ATAD2: variants seen among roughly 807,000 people sequenced by gnomAD.
ATAD2 encodes ATPase family AAA domain-containing protein 2.
Under a neutral mutation model 168.9 loss-of-function variants are expected in ATAD2, and 62 were observed. The observed-to-expected ratio is 0.37, with a 90% CI of 0.30 to 0.45. The LOEUF is 0.45. Among genes scored for constraint, ATAD2 ranks in the 20% least tolerant of loss-of-function variants. The probability of loss-of-function intolerance (pLI) is 1.00; values close to 1 mark genes in which losing one functional copy is unlikely to be tolerated. For missense variants in ATAD2, 1,419 were observed against 1,667.8 expected (o/e 0.85, Z 2.60); for synonymous variants, 613 against 571.6 (o/e 1.07, Z -1.03).
chr8:123,413,235 C>CAA (rs1813188701), intron 1 of ATAD2, among the ~76,000 whole-genome samples: 1 of 135,590 alleles, frequency 7.4e-6, no homozygotes, highest in Non-Finnish European at 1.6e-5. Context: ...CCCCCCCCCC[C>CAA]CCAACTCCTC....
chr8:123,390,268 C>A (rs1265809656), intron 1 of ATAD2, among the ~76,000 whole-genome samples: 2 of 152,060 alleles, frequency 1.3e-5, no homozygotes, highest in African/African-American at 4.8e-5. Flanking sequence ...CAGGCATGAG[C>A]CACTGCACCC....
intron 1 of ATAD2, among the ~76,000 whole-genome samples, chr8:123,412,505 TCAC>T (rs1813174141): frequency 2.0e-5 from 3 of 152,144 alleles, no homozygotes; most frequent in Admixed American, 2.0e-4. Context: ...TAATCACAGT[TCAC>T]TGCAGCCTCA....
At chr8:123,368,794 A>G (rs950001071) in intron 8 of ATAD2, among the ~76,000 whole-genome samples, 1 of 152,174 alleles carries the variant, frequency 6.6e-6, no homozygotes, top group Admixed American at 6.5e-5. Context: ...CCTGAGTCTA[A>G]GGTTGCTCTA....
intron 8 of ATAD2, among the ~76,000 whole-genome samples, chr8:123,367,005 T>TA (rs1208086593): frequency 2.6e-5 from 4 of 151,892 alleles, no homozygotes; most frequent in Non-Finnish European, 5.9e-5. Flanking sequence ...ATAAAATAAA[T>TA]AAAAAACATT....
chr8:123,332,287 C>T (rs1427260637), intron 24 of ATAD2, among the ~76,000 whole-genome samples: 1 of 152,048 alleles, frequency 6.6e-6, no homozygotes, highest in Non-Finnish European at 1.5e-5. Context: ...TCGTATTATT[C>T]AAGGGTCAAT....
chr8:123,369,875 G>A lies in ATAD2; in HGVS notation c.877C>T (p.Arg293Ter), dbSNP rs1429466956. 6.2e-7 allele frequency: 1 copy of A among 1,611,186 alleles called. No homozygotes were observed. The highest frequency in any genetic ancestry group is 2.2e-5 in the East Asian group (1 of 44,786). The change falls in exon 7 of 28, where the codon CGA (arginine) becomes TGA (stop). Residue 293 changes from arginine (R) to a stop codon, truncating the protein, a stop_gained. Transcript: ENST00000287394. LOFTEE classifies it high-confidence loss of function. Reference protein sequence around the residue: ...EEDGEEENQKRYYLRQRKATV... With the variant: ...EEDGEEENQK ...GCTTTTCTCTGTCTAAGATAATATC[G>A]CTTCTGATTCTCTTCTTCTCCATCT...
At chr8:123,340,082 G>A (rs1280396332) in intron 19 of ATAD2, among the ~76,000 whole-genome samples, 2 of 151,898 alleles carry the variant, frequency 1.3e-5, no homozygotes, top group Non-Finnish European at 2.9e-5. Flanking sequence ...TAGAGATAGG[G>A]TCTCCTTGTG....
At position 123,328,798 on chromosome 8, in the gene ATAD2, A is replaced by T. The variant is rs1000428110; in HGVS notation, c.3479-219T>A. 2.0e-4 allele frequency among the ~76,000 whole-genome samples: 25 copies of T among 126,910 alleles called. No individual in the cohort carries two copies. In the South Asian group the frequency reaches 4.3e-3, roughly 22 times the overall value. 83.3% of individuals were successfully genotyped at this position (126,910 alleles called of 152,430 possible). On this transcript the variant is annotated intron_variant, in intron 24 of 27. Transcript: ENST00000287394. ...TAAAAAATTTTGATTTTATCTTGAA[A>T]TTTTTTTTTTTTTTTTTTTTGAGAC...
chr8:123,342,078 C>T (rs1828080153), intron 19 of ATAD2, among the ~76,000 whole-genome samples: 1 of 152,108 alleles, frequency 6.6e-6, no homozygotes, highest in Non-Finnish European at 1.5e-5. Flanking sequence ...CACAGTGCGA[C>T]TCCGTCTCCA....
At chr8:123,391,035 AC>A (rs1236883502) in intron 1 of ATAD2, among the ~76,000 whole-genome samples, 1 of 151,952 alleles carries the variant, frequency 6.6e-6, no homozygotes, top group Admixed American at 6.6e-5. Context: ...GAAAAAAAAA[AC>A]CCAAAAGTAA....
chr8:123,411,455 T>C (rs1435063793), intron 1 of ATAD2, among the ~76,000 whole-genome samples: 1 of 152,162 alleles, frequency 6.6e-6, no homozygotes, highest in Non-Finnish European at 1.5e-5. Context: ...GAGACAGGAC[T>C]AGCTGGATTT....
intron 1 of ATAD2, among the ~76,000 whole-genome samples, chr8:123,408,802 C>T (rs1039523913): frequency 6.6e-6 from 1 of 152,028 alleles, no homozygotes; most frequent in African/African-American, 2.4e-5. Flanking sequence ...CAGGCGTGAG[C>T]CACCGTGCCC....
At chr8:123,350,480 A>G (rs969102153) in intron 13 of ATAD2, among the ~76,000 whole-genome samples, 3 of 152,198 alleles carry the variant, frequency 2.0e-5, no homozygotes, top group Admixed American at 6.5e-5. Context: ...CATTTGATTT[A>G]GTTAATCCAG....
chr8:123,380,177 G>T (rs1039245323), intron 2 of ATAD2, among the ~76,000 whole-genome samples: 1 of 151,768 alleles, frequency 6.6e-6, no homozygotes, highest in Non-Finnish European at 1.5e-5. Context: ...TCAGCCTCCC[G>T]AGTAGCTGGG....
intron 13 of ATAD2, among the ~76,000 whole-genome samples, chr8:123,354,745 G>A (rs776871559): frequency 2.8e-5 from 4 of 143,172 alleles, no homozygotes; most frequent in Non-Finnish European, 6.0e-5. Flanking sequence ...GGCTGAGGCA[G>A]AAGAATCGCT....
chr8:123,346,721 A>G lies in ATAD2; in HGVS notation c.2242T>C (p.Leu748=). 6.3e-7 allele frequency: 1 copy of G among 1,594,226 alleles called. No homozygotes were observed. Among genetic ancestry groups the G allele is most frequent in the Non-Finnish European group, 8.5e-7 (1 of 1,173,994 alleles). The change falls in exon 17 of 28, where the codon TTG becomes CTG. Residue 748 remains leucine (L), a synonymous_variant. Coordinates refer to ENST00000287394, the MANE Select transcript of ATAD2 (RefSeq NM_014109.4). ...DISCPLLESD[L]AYSDDDVPSV... ...GGAACATCATCATCACTGTAAGCCAAGTCACTTTCTAGCAGAGGACAAGAA... is the reference window on the plus strand; with the variant it reads ...GGAACATCATCATCACTGTAAGCCAGGTCACTTTCTAGCAGAGGACAAGAA...
intron 20 of ATAD2, 94 bp from the exon 21 acceptor site, chr8:123,337,915 A>C: frequency 8.5e-7 from 1 of 1,178,346 alleles, no homozygotes; most frequent in Non-Finnish European, 1.2e-6. Context: ...TTGAGGGATT[A>C]TCTTCCTCAT....
At position 123,380,604 on chromosome 8, in the gene ATAD2, T is replaced by C; in HGVS notation, c.245A>G (p.Gln82Arg). The change falls in exon 2 of 28, where the codon CAG becomes CGG. Residue 82 changes from glutamine to arginine, a missense_variant. Around this residue, in one of 5 missense-constraint regions of ATAD2, gnomAD observed 419 missense variants for 423.5 expected, o/e 0.99. Coordinates refer to ENST00000287394, the MANE Select transcript of ATAD2 (RefSeq NM_014109.4). Reference sequence around the variant, plus strand: ...CTCAAAACTAGAATCTGAAGAATTCTGTGCATCTTTTCTCAAAGATCTTAA... The same window carrying C: ...CTCAAAACTAGAATCTGAAGAATTCCGTGCATCTTTTCTCAAAGATCTTAA... Reference protein sequence around the residue: ...RALRSLRKDAQNSSDSSFEKN... With the variant: ...RALRSLRKDARNSSDSSFEKN... 1.2e-6 allele frequency: 2 copies of C among 1,614,130 alleles called. No individual in the cohort carries two copies. Among genetic ancestry groups the C allele is most frequent in the African/African-American group, 1.3e-5 (1 of 75,072 alleles).
chr8:123,401,662 T>C (rs1157133408), intron 1 of ATAD2: 8 of 805,992 alleles, frequency 9.9e-6, no homozygotes, highest in Non-Finnish European at 2.2e-6. Context: ...TCATAGCCGA[T>C]GGTGGCATCC....
Sources: gnomAD v4.1 joint callset for allele counts (sites outside exome capture counted in the v4.1 genomes callset) on GRCh38, gnomAD v4.1.1 for gene constraint, gnomAD v4.1.1 regional missense constraint, MANE v1.5 for transcripts, NCBI Gene and HGNC (gene_info 2026-07-23, HGNC 2026-07-21) for gene names.